The following CRAMP1 variants were observed in gnomAD, a reference collection of about 807,000 sequenced individuals.
CRAMP1 encodes cramped chromatin regulator 1.
In CRAMP1, 50 loss-of-function variants were observed where a neutral mutation model predicts 115.4. The observed-to-expected ratio is 0.43, with a 90% CI of 0.35 to 0.55. The LOEUF is 0.55. CRAMP1 is among the 20% of genes least tolerant of loss of function. CRAMP1 has a pLI of 0.01. For missense variants in CRAMP1, 1,679 were observed against 1,721.7 expected (o/e 0.98, Z 0.44); for synonymous variants, 866 against 745.4 (o/e 1.16, Z -2.64).
intron 6 of CRAMP1, chr16:1,647,044 A>C: frequency 1.4e-6 from 1 of 702,968 alleles, no homozygotes; most frequent in Non-Finnish European, 2.6e-6. Context: ...AACAAACAGG[A>C]AACCTGTCAA....
At chr16:1,615,861 G>GA (rs958684956) in intron 2 of CRAMP1, among the ~76,000 whole-genome samples, 7 of 151,328 alleles carry the variant, frequency 4.6e-5, no homozygotes, top group African/African-American at 9.7e-5. Flanking sequence ...AGTTTCACGT[G>GA]AAAAAAAAAT....
Position 1,669,144 on chromosome 16 carries a change from T to C in CRAMP1, c.3478T>C (p.Ser1160Pro). 1 of 1,603,862 alleles carries C rather than the reference T, an allele frequency of 6.2e-7. No individual in the cohort carries two copies. Among genetic ancestry groups the C allele is most frequent in the Non-Finnish European group, 8.5e-7 (1 of 1,174,826 alleles). The part of the protein sequence containing the change: ...PQWYPSDSTD[S>P]SLSSLFASFI... Reference sequence around the variant, plus strand: ...GTGGTACCCCAGTGACTCCACCGACTCCTCGCTCAGCAGCCTGTTTGGTGA... The same window carrying C: ...GTGGTACCCCAGTGACTCCACCGACCCCTCGCTCAGCAGCCTGTTTGGTGA... Residue 1160 changes from serine to proline, a missense_variant, in exon 19 of 21, where the codon TCC (serine) becomes CCC (proline). Physicochemically the swap from Ser to Pro is moderately conservative, Grantham distance 74 (BLOSUM62 -1). Transcript: ENST00000397412. The surrounding 1 kb of genome is among the most constrained non-coding windows in gnomAD (Gnocchi z 4.6).
intron 6 of CRAMP1, among the ~76,000 whole-genome samples, chr16:1,648,682 G>A (rs1028331884): frequency 8.6e-5 from 13 of 151,830 alleles, no homozygotes; most frequent in Admixed American, 1.3e-4. Flanking sequence ...TTCTGCTGCC[G>A]CCCTACTCTG....
chr16:1,642,089 C>G (rs1287372426), intron 6 of CRAMP1, among the ~76,000 whole-genome samples: 1 of 152,240 alleles, frequency 6.6e-6, no homozygotes, highest in African/African-American at 2.4e-5. Flanking sequence ...CACTGAACCA[C>G]AGATATTGGG....
At chr16:1,621,888 GAGAAGCCCACC>G (rs1287709891) in intron 2 of CRAMP1, among the ~76,000 whole-genome samples, 4 of 152,208 alleles carry the variant, frequency 2.6e-5, no homozygotes, top group Admixed American at 2.6e-4. Context: ...CCTGCACCCA[GAGAAGCCCACC>G]TAGTTTTGTT....
intron 2 of CRAMP1, among the ~76,000 whole-genome samples, chr16:1,616,877 C>T (rs1237675874): frequency 2.0e-5 from 3 of 150,428 alleles, no homozygotes; most frequent in East Asian, 3.9e-4. Context: ...TGCAGTGGTG[C>T]GATCTCAGCT....
intron 2 of CRAMP1, 54 bp downstream of exon 2, chr16:1,615,039 G>C: frequency 9.2e-7 from 1 of 1,084,350 alleles, no homozygotes. Flanking sequence ...GGTGTGCCGC[G>C]GGGGAGAGGA....
chr16:1,659,831 A>C (rs1046975180), intron 10 of CRAMP1, 55 bp from the exon 11 acceptor site: 647 of 1,510,238 alleles, frequency 4.3e-4, no homozygotes, highest in Non-Finnish European at 5.3e-4. Flanking sequence ...AGGGCACGCA[A>C]GAGCCATTTC....
intron 4 of CRAMP1, among the ~76,000 whole-genome samples, chr16:1,633,062 C>G (rs745326213): frequency 7.2e-5 from 11 of 152,240 alleles, no homozygotes; most frequent in Admixed American, 1.3e-4. Flanking sequence ...GATGTACCCC[C>G]AGAGCACCCC....
intron 2 of CRAMP1, 164 bp from the exon 3 acceptor site, chr16:1,625,809 C>T (rs1161879419): frequency 3.3e-6 from 2 of 610,556 alleles, no homozygotes; most frequent in Non-Finnish European, 5.6e-6. Context: ...TCCTAAGCAG[C>T]CTCGCTGGTG....
At chr16:1,655,845 G>C (rs1296488666) in intron 9 of CRAMP1, 32 bp from the exon 10 acceptor site, 1 of 1,583,914 alleles carries the variant, frequency 6.3e-7, no homozygotes, top group Non-Finnish European at 8.6e-7. Context: ...CTCAGTGCTA[G>C]CCAGTGTGGG....
chr16:1,646,915 T>C, intron 6 of CRAMP1: 1 of 623,328 alleles, frequency 1.6e-6, no homozygotes, highest in Non-Finnish European at 2.9e-6. Flanking sequence ...TCTCCTCCAT[T>C]GAGTGGCCTT....
intron 2 of CRAMP1, among the ~76,000 whole-genome samples, chr16:1,621,398 A>T (rs1210860219): frequency 6.6e-6 from 1 of 152,178 alleles, no homozygotes. Flanking sequence ...ACCTGAGAAG[A>T]GGCTGTTGAA....
At chr16:1,659,687 G>A (rs1353758729) in intron 10 of CRAMP1, among the ~76,000 whole-genome samples, 199 bp from the exon 11 acceptor site, 3 of 152,178 alleles carry the variant, frequency 2.0e-5, no homozygotes, top group South Asian at 2.1e-4. Context: ...GCACCTGGCC[G>A]ACCAGTAACT....
chr16:1,635,468 G>C (rs2036581226), intron 4 of CRAMP1, among the ~76,000 whole-genome samples: 2 of 152,206 alleles, frequency 1.3e-5, no homozygotes, highest in Admixed American at 1.3e-4. Flanking sequence ...CTGTCCCTGA[G>C]TGTGTAATAA....
At chr16:1,632,111 G>A in intron 3 of CRAMP1, 101 bp from the exon 4 acceptor site, 2 of 1,281,754 alleles carry the variant, frequency 1.6e-6, no homozygotes, top group Non-Finnish European at 2.1e-6. Flanking sequence ...ACTACAGCCT[G>A]TCTCCTTTCT....
chr16:1,649,253 A>T (rs893845006), intron 6 of CRAMP1, among the ~76,000 whole-genome samples: 2 of 151,950 alleles, frequency 1.3e-5, no homozygotes, highest in African/African-American at 4.8e-5. Flanking sequence ...CCTGTGTTTG[A>T]TTCCCAGCAC....
intron 1 of CRAMP1, among the ~76,000 whole-genome samples, 110 bp downstream of exon 1, chr16:1,612,767 G>A (rs1178400059): frequency 2.0e-5 from 3 of 152,150 alleles, no homozygotes; most frequent in Non-Finnish European, 2.9e-5. Flanking sequence ...GCCCGGTACA[G>A]CCACAACTGG....
chr16:1,669,066 C>G lies in CRAMP1; in HGVS notation c.3400C>G (p.Pro1134Ala). ...GSDSSKSLPS[P>A]SSSPQPHWIA... ...TGACAGTTCCAAGAGCCTTCCCTCC[C>G]CGTCCAGCAGCCCCCAGCCACACTG... Residue 1134 changes from proline (P) to alanine (A), a missense_variant, in exon 19 of 21, where the codon CCG becomes GCG. Pro to Ala is a conservative substitution (Grantham distance 27). Around this residue, in one of 8 missense-constraint regions of CRAMP1, gnomAD observed 709 missense variants for 741.9 expected, o/e 0.96. Coordinates refer to ENST00000397412, the MANE Select transcript of CRAMP1 (RefSeq NM_020825.4). This position sits in a 1 kb window ranked among gnomAD's most constrained non-coding sequence, Gnocchi z 4.6. The G allele has an allele frequency of 6.2e-7, 1 of 1,612,580 alleles. No homozygotes were observed. Among genetic ancestry groups the G allele is most frequent in the Non-Finnish European group, 8.5e-7 (1 of 1,179,358 alleles).
Sources: gnomAD v4.1 joint callset for allele counts (sites outside exome capture counted in the v4.1 genomes callset) on GRCh38, gnomAD v4.1.1 for gene constraint, gnomAD v4.1.1 regional missense constraint, Gnocchi (gnomAD v3.1) non-coding constraint, MANE v1.5 for transcripts, NCBI Gene and HGNC (gene_info 2026-07-23, HGNC 2026-07-21) for gene names.